Variants in CDK5RAP2 observed in about 807,000 individuals in gnomAD.
CDK5RAP2 encodes CDK5 regulatory subunit-associated protein 2.
A neutral mutation model predicts 232.9 loss-of-function variants in CDK5RAP2; 147 were observed. The ratio of observed to expected loss-of-function variants is 0.63; its 90% CI spans 0.55 to 0.72. The LOEUF is 0.72. CDK5RAP2 is among the 30% of genes least tolerant of loss of function. CDK5RAP2 has a pLI of 0.00. For missense variants in CDK5RAP2, 2,195 were observed against 2,231.5 expected, an observed-to-expected ratio of 0.98 and a Z score of 0.33; for synonymous variants, 833 against 833.7, an observed-to-expected ratio of 1.00 and a Z score of 0.01.
rs2042218227 is a variant in CDK5RAP2 at position 120,556,090 on chromosome 9, C to A, written c.196-5188G>T. Among the ~76,000 whole-genome samples the A allele has an allele frequency of 2.6e-5, 4 of 152,264 alleles. No individual in the cohort carries two copies. In the South Asian group the frequency reaches 8.3e-4, roughly 32 times the overall value. On this transcript the variant is annotated intron_variant, in intron 3 of 37. Coordinates refer to ENST00000349780, the MANE Select transcript of CDK5RAP2 (RefSeq NM_018249.6). The stretch of plus-strand genomic sequence containing the variant: ...AAGGGAAGTTGTTGATATTACGGAA[C>A]TGTTCTATATTCTGATTGTGGTGAT...
intron 3 of CDK5RAP2, among the ~76,000 whole-genome samples, chr9:120,554,050 C>G (rs565339843): frequency 6.6e-6 from 1 of 152,100 alleles, no homozygotes; most frequent in Non-Finnish European, 1.5e-5. Context: ...TATGATAGAA[C>G]CATAAAGAAG....
At chr9:120,545,132 A>AG (rs2041788394) in intron 5 of CDK5RAP2, among the ~76,000 whole-genome samples, 1 of 152,120 alleles carries the variant, frequency 6.6e-6, no homozygotes, top group Non-Finnish European at 1.5e-5. Flanking sequence ...CAGATCTTAA[A>AG]GAAAAAAAAA....
At position 120,492,494 on chromosome 9, in the gene CDK5RAP2, G is replaced by A. The variant is rs900446274; in HGVS notation, c.1312-1017C>T. 6.1e-4 allele frequency among the ~76,000 whole-genome samples: 93 copies of A among 152,232 alleles called. 1 individual carries two copies. Among genetic ancestry groups the A allele is most frequent in the Non-Finnish European group, 1.8e-4 (12 of 67,996 alleles). ...CTAAAACTCATTTTACAGATGTGAC[G>A]TTGCAATCATTTAAACGTTTATACA... On this transcript the variant is annotated intron_variant, in intron 12 of 37. Transcript: ENST00000349780.
At chr9:120,485,825 G>C (rs555200288) in intron 14 of CDK5RAP2, among the ~76,000 whole-genome samples, 21 of 152,266 alleles carry the variant, frequency 1.4e-4, no homozygotes, top group African/African-American at 4.6e-4. Context: ...ACTTGCCCCA[G>C]GTTACGTAAG....
At chr9:120,510,296 T>A (rs1298752607) in intron 12 of CDK5RAP2, among the ~76,000 whole-genome samples, 1 of 152,140 alleles carries the variant, frequency 6.6e-6, no homozygotes, top group Non-Finnish European at 1.5e-5. Context: ...AGCAAATGCA[T>A]CCCCACAGAG....
chr9:120,468,185 A>G (rs993169962), intron 17 of CDK5RAP2, among the ~76,000 whole-genome samples, 188 bp from the exon 18 acceptor site: 1 of 152,232 alleles, frequency 6.6e-6, no homozygotes, highest in Non-Finnish European at 1.5e-5. Context: ...CTGGCATAAC[A>G]GTATTTTAAT....
At chr9:120,496,413 G>A (rs2039243980) in intron 12 of CDK5RAP2, among the ~76,000 whole-genome samples, 5 of 131,916 alleles carry the variant, frequency 3.8e-5, no homozygotes, top group Non-Finnish European at 4.8e-5. Flanking sequence ...CCAGCCAGCC[G>A]CCCTGTCCGG....
chr9:120,534,892 G>A (rs1472658535), intron 7 of CDK5RAP2, among the ~76,000 whole-genome samples: 1 of 152,222 alleles, frequency 6.6e-6, no homozygotes, highest in Non-Finnish European at 1.5e-5. Context: ...TGGGTTGGGA[G>A]AGATACAAGG....
intron 23 of CDK5RAP2, chr9:120,440,236 CA>C: frequency 3.8e-6 from 2 of 529,742 alleles, no homozygotes; most frequent in South Asian, 4.3e-5. Flanking sequence ...TAATTTTAAC[CA>C]TGATAAACCC....
chr9:120,432,829 C>G (rs1313725185), intron 25 of CDK5RAP2, among the ~76,000 whole-genome samples: 1 of 152,180 alleles, frequency 6.6e-6, no homozygotes, highest in African/African-American at 2.4e-5. Flanking sequence ...TCTCCACTTC[C>G]TAGGGCCTAG....
intron 5 of CDK5RAP2, among the ~76,000 whole-genome samples, chr9:120,545,223 T>C (rs2041792951): frequency 6.6e-6 from 1 of 152,200 alleles, no homozygotes; most frequent in Admixed American, 6.5e-5. Flanking sequence ...CCCAGGCTTT[T>C]ACAACAGTAA....
chr9:120,458,702 G>A, intron 19 of CDK5RAP2, 80 bp from the exon 20 acceptor site: 3 of 1,308,342 alleles, frequency 2.3e-6, no homozygotes, highest in East Asian at 2.3e-5. Flanking sequence ...GGAGATGCAG[G>A]GTAAGTGAGT....
At chr9:120,404,211 T>C (rs2033276200) in intron 32 of CDK5RAP2, 98 bp from the exon 33 acceptor site, 1 of 793,244 alleles carries the variant, frequency 1.3e-6, no homozygotes, top group Non-Finnish European at 2.2e-6. Context: ...CATTCACTTA[T>C]CCATACACAC....
In CDK5RAP2 at chr9:120,397,483, T is replaced by C. The variant is rs2032580699; in HGVS notation, c.5452-2845A>G. 2.1e-5 allele frequency among the ~76,000 whole-genome samples: 3 copies of C among 143,644 alleles called. No individual in the cohort carries two copies. In the South Asian group the frequency reaches 6.5e-4, roughly 31 times the overall value. 94.2% of individuals were successfully genotyped at this position (143,644 alleles called of 152,430 possible). Reference sequence around the variant, plus strand: ...CTGGCCTCAGGTGATCCTCCCACCTTGGCCTCTGAAAGTGCTGGGATTACA... The same window carrying C: ...CTGGCCTCAGGTGATCCTCCCACCTCGGCCTCTGAAAGTGCTGGGATTACA... On this transcript the variant is annotated intron_variant, in intron 35 of 37. Transcript: ENST00000349780.
chr9:120,548,965 T>C (rs2041952270), intron 4 of CDK5RAP2, among the ~76,000 whole-genome samples: 1 of 152,202 alleles, frequency 6.6e-6, no homozygotes, highest in East Asian at 1.9e-4. Context: ...GAGACCAGCC[T>C]GGAGAACATG....
chr9:120,517,655 G>T (rs2040397062), intron 12 of CDK5RAP2: 1 of 153,962 alleles, frequency 6.5e-6, no homozygotes, highest in Admixed American at 6.4e-5. Flanking sequence ...TCATAAAAAA[G>T]ATCACCTAGA....
chr9:120,492,511 G>A (rs897038075), intron 12 of CDK5RAP2, among the ~76,000 whole-genome samples: 6 of 152,078 alleles, frequency 3.9e-5, no homozygotes, highest in African/African-American at 7.2e-5. Context: ...TCATTTAAAC[G>A]TTTATACAAT....
At chr9:120,414,908 G>A in intron 28 of CDK5RAP2, 132 bp downstream of exon 28, 1 of 1,055,430 alleles carries the variant, frequency 9.5e-7, no homozygotes, top group Non-Finnish European at 1.4e-6. Context: ...CCAGAGGCTG[G>A]CAGACTTCTC....
At chr9:120,451,846 T>C (rs1357809846) in intron 21 of CDK5RAP2, among the ~76,000 whole-genome samples, 1 of 147,514 alleles carries the variant, frequency 6.8e-6, no homozygotes, top group Non-Finnish European at 1.5e-5. Context: ...GAATATTAAA[T>C]GAGATTATAT....
Sources: allele counts gnomAD v4.1 joint callset (sites outside exome capture counted in the v4.1 genomes callset), GRCh38; gene constraint gnomAD v4.1.1; transcripts MANE v1.5; gene names NCBI Gene and HGNC (gene_info 2026-07-23, HGNC 2026-07-21).